The following BARHL1 variants were observed in gnomAD, a reference collection of about 807,000 sequenced individuals.
BARHL1 encodes the protein BarH like homeobox 1.
In BARHL1, 2 loss-of-function variants were observed where a neutral mutation model predicts 20.1. The observed-to-expected ratio is 0.10, with a 90% CI of 0.04 to 0.31. BARHL1 has a LOEUF of 0.31. BARHL1 is among the 10% of genes least tolerant of loss of function. The probability of loss-of-function intolerance (pLI) is 1.00; values close to 1 mark genes in which losing one functional copy is unlikely to be tolerated. For synonymous variants in BARHL1, 213 were observed against 209.9 expected (o/e 1.01, Z -0.13); for missense variants, 397 against 454.0 (o/e 0.87, Z 1.14).
chr9:132,582,851 C>T lies in BARHL1; in HGVS notation c.54C>T (p.Gly18=). 1 of 1,609,162 alleles carries T rather than the reference C, an allele frequency of 6.2e-7. No homozygotes were observed. The highest frequency in any genetic ancestry group is 1.1e-5 in the South Asian group (1 of 90,900). ...ACTCCATTCTCTCCCACCGCGCGGG[C>T]AGCCCCGCCCTTCCCAAGGGGGACC... The part of the protein sequence containing the change: ...GIDSILSHRA[G]SPALPKGDPL... Residue 18 remains glycine (G), a synonymous_variant, in exon 1 of 3, where the codon GGC becomes GGT. Coordinates refer to ENST00000263610, the MANE Select transcript of BARHL1 (RefSeq NM_020064.4).
chr9:132,587,488 T>A lies in BARHL1; in HGVS notation c.626T>A (p.Met209Lys). 4 of 1,612,712 alleles carry A rather than the reference T, an allele frequency of 2.5e-6. No homozygotes were observed. Among genetic ancestry groups the A allele is most frequent in the Non-Finnish European group, 3.4e-6 (4 of 1,179,646 alleles). ...RQKYLSVQDR[M>K]ELAASLNLTD... is the part of the protein sequence containing the mutation. ...AAGTACCTGAGCGTGCAGGACCGCA[T>A]GGAGCTCGCCGCCTCGCTCAACCTC... Residue 209 changes from methionine to lysine, a missense_variant, in exon 2 of 3, where the codon ATG becomes AAG. By Grantham distance (95) the Met-to-Lys change is moderately conservative. Transcript: ENST00000263610. The surrounding 1 kb of genome is among the most constrained non-coding windows in gnomAD (Gnocchi z 5.5).
Position 132,582,920 on chromosome 9 carries a change from C to T in BARHL1, c.123C>T (p.Arg41=), listed in dbSNP as rs1412311034. 3 of 1,613,610 alleles carry T rather than the reference C, an allele frequency of 1.9e-6. No individual in the cohort carries two copies. Among genetic ancestry groups the T allele is most frequent in the Admixed American group, 3.3e-5 (2 of 60,036 alleles). The change falls in exon 1 of 3, where the codon CGC becomes CGT. Residue 41 remains arginine, a synonymous_variant. Transcript: ENST00000263610. ...DCRSPLELSP[R]SESSSDCSSP... ...GTTCGCCCCTGGAGCTGAGTCCACG[C>T]TCAGAGAGCAGCAGCGACTGCTCTT...
At chr9:132,585,711 C>A (rs1388507509) in intron 1 of BARHL1, among the ~76,000 whole-genome samples, 1 of 152,146 alleles carries the variant, frequency 6.6e-6, no homozygotes. Context: ...GGGCACAGAA[C>A]CTGCATTCAA....
chr9:132,584,915 G>C (rs1434205371), intron 1 of BARHL1, among the ~76,000 whole-genome samples: 1 of 152,200 alleles, frequency 6.6e-6, no homozygotes, highest in Non-Finnish European at 1.5e-5. Context: ...ATAACATCAT[G>C]GTTATTATTT....
chr9:132,586,741 T>C (rs1830148544), intron 1 of BARHL1, among the ~76,000 whole-genome samples: 1 of 152,042 alleles, frequency 6.6e-6, no homozygotes, highest in South Asian at 2.1e-4. Flanking sequence ...TCGGGAGAAA[T>C]CATCACTACG....
rs966102628 is a variant in BARHL1 at position 132,582,768 on chromosome 9, C to A, written c.-30C>A. The A allele has an allele frequency of 3.2e-6, 5 of 1,542,636 alleles. No individual in the cohort carries two copies. The highest frequency in any genetic ancestry group is 4.4e-6 in the Non-Finnish European group (5 of 1,136,346). ...GCTGGGGTTGGGGGTGGGTGGGGAGCTTTTGGGGAGGACAGGTCGCAGCTT... is the reference window on the plus strand; with the variant it reads ...GCTGGGGTTGGGGGTGGGTGGGGAGATTTTGGGGAGGACAGGTCGCAGCTT... On this transcript the variant is annotated 5_prime_UTR_variant, in exon 1 of 3. Coordinates refer to ENST00000263610, the MANE Select transcript of BARHL1 (RefSeq NM_020064.4).
intron 2 of BARHL1, among the ~76,000 whole-genome samples, chr9:132,588,075 G>C (rs948167785): frequency 4.6e-5 from 7 of 152,198 alleles, no homozygotes; most frequent in Non-Finnish European, 2.9e-5. Flanking sequence ...AAAACCCGAG[G>C]GGGGAACTGG....
At chr9:132,586,719 A>G (rs1254120227) in intron 1 of BARHL1, among the ~76,000 whole-genome samples, 4 of 152,262 alleles carry the variant, frequency 2.6e-5, no homozygotes, top group African/African-American at 9.6e-5. Context: ...CGCCCTGTGT[A>G]GGTAGCGAGT....
At chr9:132,586,676 T>C (rs538148836) in intron 1 of BARHL1, among the ~76,000 whole-genome samples, 1 of 152,370 alleles carries the variant, frequency 6.6e-6, no homozygotes, top group South Asian at 2.1e-4. Flanking sequence ...CTCCCAGTGC[T>C]CGGCGCTCGC....
At chr9:132,583,357 A>T (rs1286743819) in intron 1 of BARHL1, 94 bp downstream of exon 1, 66 of 1,151,956 alleles carry the variant, frequency 5.7e-5, no homozygotes, top group Middle Eastern at 2.1e-4. Flanking sequence ...GCACTCGCTC[A>T]CCTGGGGGCT....
At position 132,582,748 on chromosome 9, in the gene BARHL1, G is replaced by T; in HGVS notation, c.-50G>T. 2.0e-6 allele frequency: 3 copies of T among 1,487,482 alleles called. No homozygotes were observed. Among genetic ancestry groups the T allele is most frequent in the African/African-American group, 2.8e-5 (2 of 72,276 alleles). The allele number at this position is 1,487,482 out of a possible 1,614,324, so 92.1% of individuals were successfully genotyped here. On this transcript the variant is annotated 5_prime_UTR_variant, in exon 1 of 3. Transcript: ENST00000263610. ...TAGGGGCAGGGGCAGCGGCGGCTGG[G>T]GTTGGGGGTGGGTGGGGAGCTTTTG...
intron 1 of BARHL1, among the ~76,000 whole-genome samples, chr9:132,586,870 C>A (rs1055512215): frequency 6.6e-6 from 1 of 152,272 alleles, no homozygotes; most frequent in African/African-American, 2.4e-5. Context: ...CTCCCCAGAC[C>A]CCAGCCTTCG....
chr9:132,583,247 G>C lies in BARHL1; in HGVS notation c.450G>C (p.Ser150=). The change falls in exon 1 of 3, where the codon TCG becomes TCC. Residue 150 remains serine, a synonymous_variant. Transcript: ENST00000263610. ...ACAAAAGTGGCAGCAACGCCTCATC[G>C]GACTCTGAGTATAAAGGTAAGAAAG... ...KLDKSGSNAS[S]DSEYKVKEEG... is the part of the protein sequence containing the mutation. 1 of 1,611,432 alleles carries C rather than the reference G, an allele frequency of 6.2e-7. No homozygotes were observed. Among genetic ancestry groups the C allele is most frequent in the Non-Finnish European group, 8.5e-7 (1 of 1,178,682 alleles).
rs547003089 is a variant in BARHL1 at position 132,587,257 on chromosome 9, G to A, written c.467-72G>A. ...TGTCGGAAGCCGAGGTTACACAAACGCCACGGGCAGGAGCGGGAGGGCACC... is the reference window on the plus strand; with the variant it reads ...TGTCGGAAGCCGAGGTTACACAAACACCACGGGCAGGAGCGGGAGGGCACC... On this transcript the variant is annotated intron_variant, in intron 1 of 2. Coordinates refer to ENST00000263610, the MANE Select transcript of BARHL1 (RefSeq NM_020064.4). This position sits in a 1 kb window ranked among gnomAD's most constrained non-coding sequence, Gnocchi z 5.5. The A allele has an allele frequency of 2.3e-4, 315 of 1,391,486 alleles. 1 individual carries two copies. The African/African-American group carries it at 4.2e-3, about 19-fold the overall frequency. 86.2% of individuals were successfully genotyped at this position (1,391,486 alleles called of 1,614,324 possible).
At position 132,587,457 on chromosome 9, in the gene BARHL1, C is replaced by A. The variant is rs1830156195; in HGVS notation, c.595C>A (p.Arg199=). The change falls in exon 2 of 3, where the codon CGG becomes AGG. Residue 199 remains arginine, a synonymous_variant. Coordinates refer to ENST00000263610, the MANE Select transcript of BARHL1 (RefSeq NM_020064.4). This position sits in a 1 kb window ranked among gnomAD's most constrained non-coding sequence, Gnocchi z 5.5. Reference sequence around the variant, plus strand: ...GGCGCAGCTGGAGCGCAGCTTCGAGCGGCAGAAGTACCTGAGCGTGCAGGA... The same window carrying A: ...GGCGCAGCTGGAGCGCAGCTTCGAGAGGCAGAAGTACCTGAGCGTGCAGGA... ...QLAQLERSFE[R]QKYLSVQDRM... is the part of the protein sequence containing the mutation. 6.2e-7 allele frequency: 1 copy of A among 1,612,434 alleles called. No individual in the cohort carries two copies. Among genetic ancestry groups the A allele is most frequent in the Non-Finnish European group, 8.5e-7 (1 of 1,179,622 alleles).
At chr9:132,588,573 C>T (rs928201920) in intron 2 of BARHL1, among the ~76,000 whole-genome samples, 1 of 152,102 alleles carries the variant, frequency 6.6e-6, no homozygotes, top group Non-Finnish European at 1.5e-5. Flanking sequence ...TCTCCAAACC[C>T]CAGGCCGTTG....
chr9:132,583,362 G>C, intron 1 of BARHL1, 99 bp downstream of exon 1: 2 of 1,120,500 alleles, frequency 1.8e-6, no homozygotes, highest in Non-Finnish European at 1.2e-6. Context: ...CGCTCACCTG[G>C]GGGCTCCCCC....
chr9:132,588,174 C>G, intron 2 of BARHL1, among the ~76,000 whole-genome samples: 1 of 152,170 alleles, frequency 6.6e-6, no homozygotes, highest in South Asian at 2.1e-4. Context: ...CCCTCCCGAA[C>G]ACACTCACCA....
At chr9:132,585,869 A>G (rs1175167665) in intron 1 of BARHL1, among the ~76,000 whole-genome samples, 1 of 152,220 alleles carries the variant, frequency 6.6e-6, no homozygotes, top group Admixed American at 6.5e-5. Flanking sequence ...AGCCCAGGCA[A>G]TTTGGTCAAA....
Sources: allele counts gnomAD v4.1 joint callset (sites outside exome capture counted in the v4.1 genomes callset), GRCh38; gene constraint gnomAD v4.1.1; non-coding constraint Gnocchi (gnomAD v3.1); transcripts MANE v1.5; gene names NCBI Gene and HGNC (gene_info 2026-07-23, HGNC 2026-07-21).